Variants in KCTD1 observed in about 807,000 individuals in gnomAD.
KCTD1 encodes the protein BTB/POZ domain-containing protein KCTD1.
A neutral mutation model predicts 66.0 loss-of-function variants in KCTD1; 24 were observed. The ratio of observed to expected loss-of-function variants is 0.36; its 90% confidence interval spans 0.26 to 0.51. The LOEUF (loss-of-function observed/expected upper bound fraction) is 0.51. KCTD1 is among the 20% of genes least tolerant of loss of function. KCTD1 has a pLI of 0.95. For missense variants in KCTD1, 943 were observed against 1,205.2 expected (o/e 0.78, Z 3.22); for synonymous variants, 511 against 517.2 (o/e 0.99, Z 0.16).
chr18:26,654,766 A>T (rs911436296), intron 1 of KCTD1, among the ~76,000 whole-genome samples: 8 of 152,216 alleles, frequency 5.3e-5, no homozygotes, highest in African/African-American at 1.4e-4. Context: ...TCCGTGATGC[A>T]AAGTTTTAAA....
chr18:26,643,736 GCA>G (rs1201133211), upstream of KCTD1, among the ~76,000 whole-genome samples: 4 of 152,184 alleles, frequency 2.6e-5, no homozygotes, highest in South Asian at 4.1e-4. Context: ...GCCAAGGCGG[GCA>G]TATCACGAGG....
At chr18:26,555,201 A>G (rs552234720) in intron 1 of KCTD1, among the ~76,000 whole-genome samples, 130 of 152,212 alleles carry the variant, frequency 8.5e-4, no homozygotes, top group Non-Finnish European at 1.1e-3. Context: ...TGTTATTTCA[A>G]ATAAAGTGGT....
intron 2 of KCTD1, among the ~76,000 whole-genome samples, chr18:26,500,245 G>A (rs1166255360): frequency 6.6e-6 from 1 of 151,002 alleles, no homozygotes; most frequent in Non-Finnish European, 1.5e-5. Context: ...GTCTGACCCT[G>A]TCTCTACAAA....
intron 1 of KCTD1, among the ~76,000 whole-genome samples, chr18:26,580,329 C>T (rs907706641): frequency 1.3e-5 from 2 of 151,776 alleles, no homozygotes; most frequent in Admixed American, 6.6e-5. Flanking sequence ...GTGCAGTGGG[C>T]GCGGTTTGCA....
At chr18:26,591,094 T>C (rs1986591547) in intron 1 of KCTD1, among the ~76,000 whole-genome samples, 2 of 152,210 alleles carry the variant, frequency 1.3e-5, no homozygotes, top group South Asian at 4.1e-4. Context: ...TGGAGTGCAG[T>C]GGTGCAATTA....
chr18:26,636,929 G>T (rs557436605), intron 1 of KCTD1, among the ~76,000 whole-genome samples: 3 of 152,280 alleles, frequency 2.0e-5, no homozygotes, highest in African/African-American at 7.2e-5. Flanking sequence ...TTATACAGAA[G>T]AGGAAACTGA....
rs545585737 is a variant in KCTD1, at chr18:26,627,832, C to T, written c.-16+1315G>A. On this transcript the variant is annotated intron_variant, in intron 1 of 4. Coordinates refer to the KCTD1 transcript ENST00000317932. ...ACCTTAGTCAAGAAATTCCTGGCCA[C>T]TCTTAATAGAAGCCATGACTGTACC... Among the ~76,000 whole-genome samples the T allele has an allele frequency of 4.6e-5, 7 of 152,316 alleles. No homozygotes were observed. The East Asian group carries it at 1.3e-3, about 29-fold the overall frequency.
chr18:26,611,255 T>C (rs569387443), intron 1 of KCTD1, among the ~76,000 whole-genome samples: 2 of 152,324 alleles, frequency 1.3e-5, no homozygotes, highest in South Asian at 2.1e-4. Flanking sequence ...ACTTCAAACA[T>C]TGAATTTTCA....
intron 1 of KCTD1, among the ~76,000 whole-genome samples, chr18:26,625,148 C>T (rs1023600409): frequency 2.6e-5 from 4 of 152,138 alleles, no homozygotes; most frequent in African/African-American, 9.7e-5. Flanking sequence ...GGTTCATAGG[C>T]AAAAGGGACT....
rs573617901 is a variant in KCTD1 at position 26,594,999 on chromosome 18, C to A, written c.-16+34148G>T. Among the ~76,000 whole-genome samples, 5 of 152,174 alleles carry A rather than the reference C, an allele frequency of 3.3e-5. No homozygotes were observed. The South Asian group carries it at 1.0e-3, about 32-fold the overall frequency. On this transcript the variant is annotated intron_variant, in intron 1 of 4. Transcript: ENST00000317932. ...ATTTTCCTCTCCCCCAACTCCTCCC[C>A]TCTCCCTCTCCCACTTTTCCTCTCC...
intron 3 of KCTD1, among the ~76,000 whole-genome samples, chr18:26,465,788 G>A (rs1980694468): frequency 6.6e-6 from 1 of 152,148 alleles, no homozygotes; most frequent in East Asian, 1.9e-4. Flanking sequence ...CTGAGGGAGG[G>A]GGCCAGAGAC....
intron 2 of KCTD1, among the ~76,000 whole-genome samples, chr18:26,489,627 G>T (rs1364617672): frequency 1.3e-5 from 2 of 152,186 alleles, no homozygotes; most frequent in Non-Finnish European, 2.9e-5. Flanking sequence ...CTGTTTGGGA[G>T]TTGGGGGTAA....
intron 1 of KCTD1, among the ~76,000 whole-genome samples, chr18:26,636,541 A>C (rs932104918): frequency 2.6e-5 from 4 of 152,184 alleles, no homozygotes; most frequent in African/African-American, 9.6e-5. Flanking sequence ...TCCCATTGAG[A>C]GTGCTCTCTG....
chr18:26,569,175 G>A lies in KCTD1; in HGVS notation c.-16+59972C>T, dbSNP rs1269470085. ...AACTTCACAACAAAAAAATGAGGAAGTAGTATTATTATTCTACACTTGACA... is the reference window on the plus strand; with the variant it reads ...AACTTCACAACAAAAAAATGAGGAAATAGTATTATTATTCTACACTTGACA... On this transcript the variant is annotated intron_variant, in intron 1 of 4. Transcript: ENST00000317932. Among the ~76,000 whole-genome samples the A allele has an allele frequency of 2.0e-5, 3 of 152,300 alleles. No homozygotes were observed. In the South Asian group the frequency reaches 6.2e-4, roughly 32 times the overall value.
At chr18:26,637,818 T>C (rs773095442) in intron 1 of KCTD1, among the ~76,000 whole-genome samples, 6 of 152,238 alleles carry the variant, frequency 3.9e-5, no homozygotes, top group Non-Finnish European at 7.3e-5. Flanking sequence ...GAGAAAGTTA[T>C]GTGCCTCAGT....
chr18:26,548,854 G>A (rs1985415389), upstream of KCTD1: 2 of 1,017,836 alleles, frequency 2.0e-6, no homozygotes, highest in Admixed American at 5.8e-5. Context: ...GAAAGGGAGG[G>A]AGAGCTGTCG....
At chr18:26,534,369 A>G (rs1052446759) in intron 1 of KCTD1, among the ~76,000 whole-genome samples, 6 of 152,040 alleles carry the variant, frequency 3.9e-5, no homozygotes, top group African/African-American at 1.4e-4. Flanking sequence ...TCTAAACTTT[A>G]GTTTTTATTA....
chr18:26,618,331 A>C (rs1987302542), intron 1 of KCTD1, among the ~76,000 whole-genome samples: 1 of 152,186 alleles, frequency 6.6e-6, no homozygotes, highest in Admixed American at 6.5e-5. Flanking sequence ...GAGATGAATC[A>C]GCATATTTAG....
At chr18:26,557,244 TTG>T (rs1295504801) in intron 1 of KCTD1, among the ~76,000 whole-genome samples, 11 of 152,192 alleles carry the variant, frequency 7.2e-5, no homozygotes, top group Non-Finnish European at 1.3e-4. Context: ...CAAGCTTTTT[TTG>T]CTATTCATAT....
Sources: gnomAD v4.1 joint callset for allele counts (sites outside exome capture counted in the v4.1 genomes callset) on GRCh38, gnomAD v4.1.1 for gene constraint, MANE v1.5 for transcripts, NCBI Gene and HGNC (gene_info 2026-07-23, HGNC 2026-07-21) for gene names.